Variants in ANG observed in about 807,000 individuals in gnomAD.
The protein encoded by ANG is angiogenin.
For missense variants in ANG, 178 were observed against 187.4 expected (o/e 0.95, Z 0.29); for synonymous variants, 74 against 73.8 (o/e 1.00, Z -0.02).
chr14:20,691,321 G>A (rs1204331917), intron 1 of ANG, among the ~76,000 whole-genome samples: 1 of 152,196 alleles, frequency 6.6e-6, no homozygotes, highest in African/African-American at 2.4e-5. Context: ...GCAGACCTTT[G>A]ACATTAGAAG....
rs1187764517 is a variant in ANG at position 20,690,163 on chromosome 14, C to T, written c.-19+1289C>T. On this transcript the variant is annotated intron_variant, in intron 1 of 1. Transcript: ENST00000397990. ...CCGGGAGGCGGAGCTTGCAGTGAGC[C>T]GAGATTGCGCCACTGCAGTCCGCAG... 2.2e-5 allele frequency among the ~76,000 whole-genome samples: 3 copies of T among 137,714 alleles called. No individual in the cohort carries two copies. The Admixed American group carries it at 2.2e-4, about 10-fold the overall frequency. 90.3% of individuals were successfully genotyped at this position (137,714 alleles called of 152,430 possible). A position where few individuals can be genotyped will look rare whatever the true frequency, so the allele number is the denominator to read the frequency against.
chr14:20,685,834 G>T (rs1886396408), upstream of ANG, among the ~76,000 whole-genome samples: 1 of 152,020 alleles, frequency 6.6e-6, no homozygotes, highest in Non-Finnish European at 1.5e-5. Flanking sequence ...AAGATCAGGA[G>T]TTCGAGACCA....
Position 20,688,783 on chromosome 14 carries a change from C to T in ANG, c.-110C>T. On this transcript the variant is annotated 5_prime_UTR_variant, in exon 1 of 2. Coordinates refer to ENST00000397990, the MANE Select transcript of ANG (RefSeq NM_001097577.3). ...GAACCTGGAGAGGCCTCCAGGTTCACACAACTGGAACCCATCTCCAGGAAC... is the reference window on the plus strand; with the variant it reads ...GAACCTGGAGAGGCCTCCAGGTTCATACAACTGGAACCCATCTCCAGGAAC... 1.0e-6 allele frequency: 1 copy of T among 985,326 alleles called. No individual in the cohort carries two copies. The highest frequency in any genetic ancestry group is 1.2e-6 in the Non-Finnish European group (1 of 829,888). 61.0% of individuals were successfully genotyped at this position (985,326 alleles called of 1,614,324 possible). A position where few individuals can be genotyped will look rare whatever the true frequency, so the allele number is the denominator to read the frequency against.
chr14:20,687,603 A>G (rs1227747333), upstream of ANG, among the ~76,000 whole-genome samples: 1 of 152,200 alleles, frequency 6.6e-6, no homozygotes, highest in Admixed American at 6.5e-5. Flanking sequence ...GAAGGGTTCA[A>G]AGTCTGACTC....
chr14:20,693,220 T>C (rs1024593384), intron 1 of ANG, among the ~76,000 whole-genome samples: 5 of 152,216 alleles, frequency 3.3e-5, no homozygotes, highest in Admixed American at 2.0e-4. Context: ...TATGTAATGT[T>C]CATTATTCAA....
Position 20,694,001 on chromosome 14 carries a change from G to A in ANG, c.437G>A (p.Arg146His), listed in dbSNP as rs1886970228. The A allele has an allele frequency of 6.8e-6, 11 of 1,613,876 alleles. No homozygotes were observed. The highest frequency in any genetic ancestry group is 1.1e-5 in the South Asian group (1 of 91,082). Residue 146 changes from arginine to histidine, a missense_variant, in exon 2 of 2, where the codon CGT (arginine) becomes CAT (histidine). Coordinates refer to ENST00000397990, the MANE Select transcript of ANG (RefSeq NM_001097577.3). ...PVHLDQSIFR[R>H]P ...CACTTGGATCAGTCAATTTTCCGTC[G>A]TCCGTAACCAGCGGGCCCCTGGTCA... is the stretch of plus-strand genomic sequence containing the variant.
At chr14:20,690,478 A>AGAAATTGAGAAATT (rs1886689117) in intron 1 of ANG, among the ~76,000 whole-genome samples, 1 of 152,098 alleles carries the variant, frequency 6.6e-6, no homozygotes, top group Non-Finnish European at 1.5e-5. Flanking sequence ...AGGAATTTAG[A>AGAAATTGAGAAATT]GTTGAATATA....
At chr14:20,690,029 C>T (rs543926921) in intron 1 of ANG, among the ~76,000 whole-genome samples, 1 of 147,342 alleles carries the variant, frequency 6.8e-6, no homozygotes, top group Non-Finnish European at 1.5e-5. Flanking sequence ...TCCTGGCTAA[C>T]AAGGTGAAAC....
At chr14:20,692,918 G>A (rs1490314771) in intron 1 of ANG, among the ~76,000 whole-genome samples, 2 of 152,050 alleles carry the variant, frequency 1.3e-5, no homozygotes, top group African/African-American at 2.4e-5. Flanking sequence ...CGCGATCTCG[G>A]CTCACTGCAA....
intron 1 of ANG, among the ~76,000 whole-genome samples, chr14:20,691,946 C>A (rs1212344941): frequency 6.6e-6 from 1 of 152,174 alleles, no homozygotes; most frequent in African/African-American, 2.4e-5. Context: ...AGTGCCAGGA[C>A]CCATGGCCTT....
chr14:20,693,887 A>AT lies in ANG; in HGVS notation c.324dup (p.Gly109TrpfsTer24), dbSNP rs1886957607. ...TTCCAGGTCACCACTTGCAAGCTAC[A>AT]TGGAGGTTCCCCCTGGCCTCCATGC... is the stretch of plus-strand genomic sequence containing the variant. On this transcript the variant is annotated frameshift_variant, in exon 2 of 2. Transcript: ENST00000397990. LOFTEE classifies it low-confidence loss of function (END_TRUNC). 6.2e-7 allele frequency: 1 copy of AT among 1,614,176 alleles called. No individual in the cohort carries two copies.
chr14:20,689,188 A>T (rs755352939), intron 1 of ANG, among the ~76,000 whole-genome samples: 5 of 152,232 alleles, frequency 3.3e-5, no homozygotes, highest in Non-Finnish European at 5.9e-5. Flanking sequence ...CCCCTGTTAC[A>T]GGCATTACAC....
upstream of ANG, among the ~76,000 whole-genome samples, chr14:20,686,523 T>C (rs1309874927): frequency 1.3e-5 from 2 of 152,238 alleles, no homozygotes; most frequent in Non-Finnish European, 2.9e-5. Context: ...TAATTCTCTG[T>C]AAACAGTTAT....
chr14:20,692,574 A>C (rs927486161), intron 1 of ANG, among the ~76,000 whole-genome samples: 5 of 152,350 alleles, frequency 3.3e-5, no homozygotes, highest in Middle Eastern at 3.4e-3. Context: ...CATGTGCGGG[A>C]TCCAGATTGT....
At position 20,693,713 on chromosome 14, in the gene ANG, G is replaced by A. The variant is rs375234576; in HGVS notation, c.149G>A (p.Cys50Tyr). 7.4e-6 allele frequency: 12 copies of A among 1,614,086 alleles called. No individual in the cohort carries two copies. In the African/African-American group the frequency reaches 1.5e-4, roughly 20 times the overall value. Residue 50 changes from cysteine to tyrosine, a missense_variant, in exon 2 of 2, where the codon TGT becomes TAT. Transcript: ENST00000397990. The part of the protein sequence containing the change: ...AKPQGRDDRY[C>Y]ESIMRRRGLT... ...CCACAGGGCCGGGATGACAGATACT[G>A]TGAAAGCATCATGAGGAGACGGGGC...
At chr14:20,689,290 C>T (rs1004206026) in intron 1 of ANG, among the ~76,000 whole-genome samples, 5 of 152,188 alleles carry the variant, frequency 3.3e-5, no homozygotes, top group Admixed American at 2.0e-4. Context: ...GTTTTGGATG[C>T]TCTTTCAAAC....
chr14:20,693,977 A>C lies in ANG; in HGVS notation c.413A>C (p.His138Pro). Reference protein sequence around the residue: ...VVACENGLPVHLDQSIFRRP With the variant: ...VVACENGLPVPLDQSIFRRP ...GCTTGTGAAAATGGCTTACCTGTCCACTTGGATCAGTCAATTTTCCGTCGT... is the reference window on the plus strand; with the variant it reads ...GCTTGTGAAAATGGCTTACCTGTCCCCTTGGATCAGTCAATTTTCCGTCGT... The change falls in exon 2 of 2, where the codon CAC becomes CCC. Residue 138 changes from histidine to proline, a missense_variant. Coordinates refer to ENST00000397990, the MANE Select transcript of ANG (RefSeq NM_001097577.3). The C allele has an allele frequency of 1.2e-6, 2 of 1,614,000 alleles. No homozygotes were observed. Among genetic ancestry groups the C allele is most frequent in the Non-Finnish European group, 1.7e-6 (2 of 1,179,998 alleles).
upstream of ANG, among the ~76,000 whole-genome samples, chr14:20,686,404 G>C (rs1316801997): frequency 2.0e-5 from 3 of 152,224 alleles, no homozygotes; most frequent in Non-Finnish European, 2.9e-5. Context: ...GGAAGCATTG[G>C]TCACTGTGAC....
chr14:20,686,343 GATAATC>G (rs1886426636), upstream of ANG, among the ~76,000 whole-genome samples: 1 of 151,620 alleles, frequency 6.6e-6, no homozygotes, highest in South Asian at 2.1e-4. Context: ...GTTGAAAACA[GATAATC>G]AGGTTATAAG....
Sources: allele counts gnomAD v4.1 joint callset (sites outside exome capture counted in the v4.1 genomes callset), GRCh38; gene constraint gnomAD v4.1.1; transcripts MANE v1.5; gene names NCBI Gene and HGNC (gene_info 2026-07-23, HGNC 2026-07-21).